CSMD1: variants seen among roughly 807,000 people sequenced by gnomAD.
CSMD1 encodes the protein CUB and sushi domain-containing protein 1.
Under a neutral mutation model 417.5 loss-of-function variants are expected in CSMD1, and 213 were observed. The observed-to-expected ratio is 0.51, with a 90% CI of 0.46 to 0.57. CSMD1 has a LOEUF of 0.57. Ranked by LOEUF, CSMD1 falls within the 20% of genes least tolerant of loss-of-function variation. The probability of loss-of-function intolerance (pLI) is 0.00; values close to 1 mark genes in which losing one functional copy is unlikely to be tolerated. For synonymous variants in CSMD1, 2,862 were observed against 1,736.8 expected (o/e 1.65, Z -16.11); for missense variants, 6,923 against 4,529.7 (o/e 1.53, Z -15.17).
At chr8:4,971,072 T>G (rs1169583338) in intron 1 of CSMD1, among the ~76,000 whole-genome samples, 1 of 152,086 alleles carries the variant, frequency 6.6e-6, no homozygotes, top group African/African-American at 2.4e-5. Flanking sequence ...TAACTATGTC[T>G]GTGACTTTTT....
chr8:4,657,412 C>T (rs1335098175), intron 1 of CSMD1, among the ~76,000 whole-genome samples: 2 of 152,074 alleles, frequency 1.3e-5, no homozygotes, highest in African/African-American at 4.8e-5. Context: ...ATGTCCATTC[C>T]CTTCCCTCTC....
chr8:4,560,037 T>G (rs1250426066), intron 2 of CSMD1, among the ~76,000 whole-genome samples: 1 of 152,180 alleles, frequency 6.6e-6, no homozygotes, highest in East Asian at 1.9e-4. Context: ...ACAGACAGCC[T>G]CCACCTGCCA....
chr8:4,549,896 C>CAAAAAAAAAA (rs777040766), intron 2 of CSMD1, among the ~76,000 whole-genome samples: 111 of 88,466 alleles, frequency 1.3e-3, no homozygotes, highest in East Asian at 3.4e-3. Context: ...GACTTTGTCT[C>CAAAAAAAAAA]AAAAAAAAAA....
At chr8:3,006,391 A>C (rs879764144) in intron 52 of CSMD1, among the ~76,000 whole-genome samples, 31 of 149,644 alleles carry the variant, frequency 2.1e-4, no homozygotes, top group Non-Finnish European at 3.1e-4. Context: ...CAAGCTACCA[A>C]TGACTTTCTT....
At chr8:3,307,646 A>G (rs531284778) in intron 25 of CSMD1, 49 bp downstream of exon 25, 1 of 1,576,934 alleles carries the variant, frequency 6.3e-7, no homozygotes, top group Non-Finnish European at 8.7e-7. Flanking sequence ...ACAAGAATAG[A>G]AGGCATATCT....
chr8:3,717,467 A>T (rs1417672693), intron 6 of CSMD1, among the ~76,000 whole-genome samples: 1 of 152,078 alleles, frequency 6.6e-6, no homozygotes, highest in South Asian at 2.1e-4. Flanking sequence ...ATTCATGAAG[A>T]TATTGTTGTA....
intron 59 of CSMD1, among the ~76,000 whole-genome samples, chr8:2,965,099 T>C (rs943857879): frequency 2.0e-5 from 3 of 152,172 alleles, no homozygotes; most frequent in Non-Finnish European, 4.4e-5. Flanking sequence ...TCTTTGCTTC[T>C]GGTAAATAAA....
At chr8:4,283,561 T>G (rs557942006) in intron 3 of CSMD1, among the ~76,000 whole-genome samples, 1 of 152,228 alleles carries the variant, frequency 6.6e-6, no homozygotes, top group African/African-American at 2.4e-5. Flanking sequence ...ATATGTCGTA[T>G]AGTTAAAAGT....
At chr8:3,079,867 TAC>T (rs1314217477) in intron 49 of CSMD1, among the ~76,000 whole-genome samples, 2 of 152,096 alleles carry the variant, frequency 1.3e-5, no homozygotes, top group Non-Finnish European at 2.9e-5. Flanking sequence ...ATTGAAGAGA[TAC>T]ACACAGACAT....
At chr8:4,286,639 A>G (rs933015506) in intron 3 of CSMD1, among the ~76,000 whole-genome samples, 2 of 152,174 alleles carry the variant, frequency 1.3e-5, no homozygotes, top group Non-Finnish European at 2.9e-5. Flanking sequence ...AGAAAGGTTT[A>G]TCCTCCAAGA....
At chr8:3,952,891 C>T (rs1811683850) in intron 5 of CSMD1, among the ~76,000 whole-genome samples, 1 of 152,218 alleles carries the variant, frequency 6.6e-6, no homozygotes, top group Admixed American at 6.5e-5. Context: ...TAACCCAAGG[C>T]AACTCAGCGA....
chr8:3,491,877 G>C (rs912231917), intron 11 of CSMD1, among the ~76,000 whole-genome samples: 1 of 152,184 alleles, frequency 6.6e-6, no homozygotes, highest in Non-Finnish European at 1.5e-5. Flanking sequence ...CGGAGACAAA[G>C]GAGTTAGAAA....
intron 40 of CSMD1, 47 bp downstream of exon 40, chr8:3,151,350 G>A: frequency 8.3e-7 from 1 of 1,211,120 alleles, no homozygotes; most frequent in East Asian, 2.4e-5. Flanking sequence ...TTCCAAGATG[G>A]AAATGAAAAA....
chr8:3,227,096 C>T (rs1323513628), intron 27 of CSMD1, among the ~76,000 whole-genome samples: 1 of 151,980 alleles, frequency 6.6e-6, no homozygotes. Flanking sequence ...GGTGTGACTG[C>T]TCTGAAAGAG....
chr8:3,189,033 C>A (rs1430398886), intron 34 of CSMD1, 22 bp from the exon 35 acceptor site: 3 of 1,601,988 alleles, frequency 1.9e-6, no homozygotes, highest in South Asian at 1.1e-5. Flanking sequence ...AACCATATGT[C>A]ATGAAATAAA....
At chr8:3,950,031 G>T in intron 5 of CSMD1, 1 of 455,442 alleles carries the variant, frequency 2.2e-6, no homozygotes. Context: ...TTTCCTGTGC[G>T]TATTTGCTGT....
At chr8:3,680,096 A>G (rs533771266) in intron 7 of CSMD1, among the ~76,000 whole-genome samples, 11 of 152,190 alleles carry the variant, frequency 7.2e-5, no homozygotes, top group Non-Finnish European at 1.5e-4. Flanking sequence ...AAGACCTATA[A>G]TCGACACCAT....
chr8:3,590,222 T>A (rs1432585132), intron 8 of CSMD1, among the ~76,000 whole-genome samples: 1 of 152,160 alleles, frequency 6.6e-6, no homozygotes, highest in Admixed American at 6.5e-5. Flanking sequence ...CACAACCCAT[T>A]TTTGAGCGGT....
chr8:2,946,222 CATT>C (rs1159024160), intron 68 of CSMD1, among the ~76,000 whole-genome samples: 15 of 152,280 alleles, frequency 9.9e-5, no homozygotes, highest in Non-Finnish European at 2.1e-4. Flanking sequence ...ACCAAAATGT[CATT>C]ATGCGATGCG....
Sources: gnomAD v4.1 joint callset for allele counts (sites outside exome capture counted in the v4.1 genomes callset) on GRCh38, gnomAD v4.1.1 for gene constraint, MANE v1.5 for transcripts, NCBI Gene and HGNC (gene_info 2026-07-23, HGNC 2026-07-21) for gene names.